The following AP1S3 variants were observed in gnomAD, a reference collection of about 807,000 sequenced individuals.
The protein encoded by AP1S3 is AP-1 complex subunit sigma-3.
Under a neutral mutation model 20.9 loss-of-function variants are expected in AP1S3, and 10 were observed. That is an observed-to-expected ratio of 0.48 (90% CI 0.29 to 0.81). The LOEUF (loss-of-function observed/expected upper bound fraction) is 0.81, where lower values mean the gene tolerates loss of function less well. Among genes scored for constraint, AP1S3 ranks in the 30% least tolerant of loss-of-function variants. The pLI, the probability that AP1S3 is intolerant of heterozygous loss-of-function variation, is 0.08. For synonymous variants in AP1S3, 41 were observed against 61.5 expected (o/e 0.67, Z 1.56); for missense variants, 154 against 183.8 (o/e 0.84, Z 0.94).
chr2:223,766,416 G>GA (rs1690483790), intron 3 of AP1S3, among the ~76,000 whole-genome samples: 2 of 152,160 alleles, frequency 1.3e-5, no homozygotes, highest in Non-Finnish European at 2.9e-5. Flanking sequence ...TTGCTGTGCA[G>GA]AAGCTCTTTA....
chr2:223,823,681 T>C (rs1157638178), intron 1 of AP1S3, among the ~76,000 whole-genome samples: 3 of 152,170 alleles, frequency 2.0e-5, no homozygotes, highest in African/African-American at 7.2e-5. Flanking sequence ...TACAACATGG[T>C]GACTATAGTT....
In AP1S3 at chr2:223,837,548, G is replaced by A. The variant is rs1692437862; in HGVS notation, c.-98C>T. 5.2e-6 allele frequency: 4 copies of A among 769,326 alleles called. No homozygotes were observed. Among genetic ancestry groups the A allele is most frequent in the African/African-American group, 1.8e-5 (1 of 55,522 alleles). The allele number at this position is 769,326 out of a possible 1,614,324, so 47.7% of individuals were successfully genotyped here. A position where few individuals can be genotyped will look rare whatever the true frequency, so the allele number is the denominator to read the frequency against. On this transcript the variant is annotated 5_prime_UTR_variant, in exon 1 of 5. Transcript: ENST00000396654. ...TGGAGCCGGTGCGGCTGACAGGTGA[G>A]GCGCCCGGCTTAGACCATGGCTGCT...
At chr2:223,783,807 C>T (rs1161465444) in intron 1 of AP1S3, among the ~76,000 whole-genome samples, 1 of 152,204 alleles carries the variant, frequency 6.6e-6, no homozygotes, top group African/African-American at 2.4e-5. Context: ...TAGCTCGTAT[C>T]TCAGGACCTG....
chr2:223,784,434 C>T (rs942182545), intron 1 of AP1S3, among the ~76,000 whole-genome samples: 4 of 152,020 alleles, frequency 2.6e-5, no homozygotes, highest in Non-Finnish European at 4.4e-5. Flanking sequence ...GTATTTTCTT[C>T]CTGCATCAGA....
At chr2:223,829,124 G>T (rs28561834) in intron 1 of AP1S3, among the ~76,000 whole-genome samples, 48,732 of 151,826 alleles carry the variant, frequency 0.32, 8,202 homozygotes, top group Middle Eastern at 0.41. Flanking sequence ...ATGAGCCACT[G>T]CACCCAGCCA....
chr2:223,779,322 T>A (rs1690867751), intron 1 of AP1S3, among the ~76,000 whole-genome samples: 2 of 152,064 alleles, frequency 1.3e-5, no homozygotes, highest in South Asian at 2.1e-4. Context: ...GGCGGGATAA[T>A]CACTTGAGCC....
At chr2:223,821,482 A>C (rs2106125992) in intron 1 of AP1S3, among the ~76,000 whole-genome samples, 1 of 152,272 alleles carries the variant, frequency 6.6e-6, no homozygotes, top group East Asian at 1.9e-4. Flanking sequence ...ATCTCTTAAT[A>C]ATGTCCCAAT....
chr2:223,803,415 C>T (rs191327872), intron 1 of AP1S3, among the ~76,000 whole-genome samples: 5 of 152,248 alleles, frequency 3.3e-5, no homozygotes, highest in Admixed American at 2.6e-4. Flanking sequence ...TATGTAATTG[C>T]TTTTTGCTTC....
At chr2:223,826,091 C>T (rs2106129874) in intron 1 of AP1S3, among the ~76,000 whole-genome samples, 1 of 152,290 alleles carries the variant, frequency 6.6e-6, no homozygotes, top group African/African-American at 2.4e-5. Flanking sequence ...TTTTCCCTGA[C>T]AGAGTAATCA....
chr2:223,763,342 A>G (rs1690405008), intron 4 of AP1S3, among the ~76,000 whole-genome samples: 1 of 152,208 alleles, frequency 6.6e-6, no homozygotes, highest in Non-Finnish European at 1.5e-5. Context: ...CCTTTTTAAA[A>G]CATTTCCTAA....
chr2:223,763,895 G>A (rs6716220), intron 4 of AP1S3, among the ~76,000 whole-genome samples: 30,936 of 152,080 alleles, frequency 0.2, 5,667 homozygotes, highest in African/African-American at 0.47. Flanking sequence ...CAGGAAAAAA[G>A]TAGCTTTAAT....
chr2:223,806,277 A>ATTTTT (rs144953846), intron 1 of AP1S3, among the ~76,000 whole-genome samples: 21 of 111,048 alleles, frequency 1.9e-4, no homozygotes, highest in East Asian at 2.8e-4. Flanking sequence ...AAACAAAGGA[A>ATTTTT]TTTTTTTTTT....
chr2:223,770,487 A>G (rs754366988), intron 3 of AP1S3, among the ~76,000 whole-genome samples: 28 of 124,026 alleles, frequency 2.3e-4, no homozygotes, highest in Admixed American at 3.8e-4. Flanking sequence ...ATTCAGAGTT[A>G]GAGAGACAAT....
intron 1 of AP1S3, among the ~76,000 whole-genome samples, chr2:223,824,045 G>T (rs181120337): frequency 6.6e-6 from 1 of 152,116 alleles, no homozygotes; most frequent in Non-Finnish European, 1.5e-5. Context: ...GCACTAGAGC[G>T]CAGTGGTGTG....
At chr2:223,832,745 C>A (rs1009521206) in intron 1 of AP1S3, among the ~76,000 whole-genome samples, 1 of 151,674 alleles carries the variant, frequency 6.6e-6, no homozygotes. Flanking sequence ...TTCGGTTTTT[C>A]CACCCTCACC....
chr2:223,814,859 C>T (rs1471848552), intron 1 of AP1S3, among the ~76,000 whole-genome samples: 1 of 152,204 alleles, frequency 6.6e-6, no homozygotes, highest in East Asian at 1.9e-4. Context: ...TCACTGCAGC[C>T]TCAACCTCCT....
chr2:223,755,755 T>G lies in AP1S3; in HGVS notation c.*2960A>C. On this transcript the variant is annotated 3_prime_UTR_variant, in exon 5 of 5. Coordinates refer to ENST00000396654, the MANE Select transcript of AP1S3 (RefSeq NM_001039569.2). ...CATGTTGGCCAGGCTGGTCTCGAAC[T>G]CCTGACCTCAGGTGATCTGCCGCCT... is the stretch of plus-strand genomic sequence containing the variant. 15 of 795,176 alleles carry G rather than the reference T, an allele frequency of 1.9e-5. No individual in the cohort carries two copies. The highest frequency in any genetic ancestry group is 2.1e-5 in the Non-Finnish European group (14 of 656,620). The allele number at this position is 795,176 out of a possible 1,614,324, so 49.3% of individuals were successfully genotyped here. A position where few individuals can be genotyped will look rare whatever the true frequency, so the allele number is the denominator to read the frequency against.
At chr2:223,761,948 T>C (rs916659694) in intron 4 of AP1S3, among the ~76,000 whole-genome samples, 4 of 152,168 alleles carry the variant, frequency 2.6e-5, no homozygotes. Flanking sequence ...CTGTGGTTAA[T>C]GACCACTATC....
At chr2:223,765,192 G>A in intron 4 of AP1S3, 21 bp downstream of exon 4, 1 of 1,596,040 alleles carries the variant, frequency 6.3e-7, no homozygotes, top group Non-Finnish European at 8.5e-7. Flanking sequence ...TTTCTCCCAT[G>A]GTTTGGGAAA....
Sources: gnomAD v4.1 joint callset for allele counts (sites outside exome capture counted in the v4.1 genomes callset) on GRCh38, gnomAD v4.1.1 for gene constraint, MANE v1.5 for transcripts, NCBI Gene and HGNC (gene_info 2026-07-23, HGNC 2026-07-21) for gene names.